The following EVX1 variants were observed in gnomAD, a reference collection of about 807,000 sequenced individuals.
EVX1 encodes the protein homeobox even-skipped homolog protein 1.
Under a neutral mutation model 28.6 loss-of-function variants are expected in EVX1, and 19 were observed. That is an observed-to-expected ratio of 0.67 (90% CI 0.46 to 0.98). The LOEUF (loss-of-function observed/expected upper bound fraction) is 0.98. Ranked by LOEUF, EVX1 falls within the 50% of genes least tolerant of loss-of-function variation. EVX1 has a pLI of 0.00. For synonymous variants in EVX1, 324 were observed against 278.2 expected, an observed-to-expected ratio of 1.16 and a Z score of -1.64; for missense variants, 660 against 583.0, an observed-to-expected ratio of 1.13 and a Z score of -1.36.
rs750354243 is a variant in EVX1, at chr7:27,243,473, C to T, written c.427+16C>T. ...CACAGCAAAGGTAGCCACCGTGCCC[C>T]TCCGCTCCCCGGGCCTCCCACTGCG... On this transcript the variant is annotated intron_variant, in intron 1 of 2. Transcript: ENST00000496902. 1.4e-5 allele frequency: 22 copies of T among 1,557,138 alleles called. No homozygotes were observed. The South Asian group carries it at 1.7e-4, about 12-fold the overall frequency.
At chr7:27,245,703 C>T (rs1302532636) in intron 2 of EVX1, among the ~76,000 whole-genome samples, 183 bp from the exon 3 acceptor site, 4 of 152,154 alleles carry the variant, frequency 2.6e-5, no homozygotes, top group African/African-American at 7.2e-5. Flanking sequence ...GGAGTCACTC[C>T]CCAAACCTCT....
Position 27,245,083 on chromosome 7 carries a change from G to C in EVX1, c.463G>C (p.Gly155Arg), listed in dbSNP as rs766272953. The C allele has an allele frequency of 6.2e-7, 1 of 1,612,676 alleles. No homozygotes were observed. Among genetic ancestry groups the C allele is most frequent in the Non-Finnish European group, 8.5e-7 (1 of 1,179,898 alleles). Residue 155 changes from glycine (G) to arginine (R), a missense_variant, in exon 2 of 3, where the codon GGA becomes CGA. Transcript: ENST00000496902. ...GSEALVGSPN[G>R]GSETPKSNGG... ...CGAGGCGCTGGTCGGCAGTCCGAAC[G>C]GAGGGAGCGAGACCCCCAAGAGCAA...
In EVX1 at chr7:27,242,908, C is replaced by A; in HGVS notation, c.-123C>A. 1 of 1,162,054 alleles carries A rather than the reference C, an allele frequency of 8.6e-7. No homozygotes were observed. Among genetic ancestry groups the A allele is most frequent in the Non-Finnish European group, 1.2e-6 (1 of 859,106 alleles). The allele number at this position is 1,162,054 out of a possible 1,614,324, so 72.0% of individuals were successfully genotyped here. On this transcript the variant is annotated 5_prime_UTR_variant, in exon 1 of 3. Coordinates refer to ENST00000496902, the MANE Select transcript of EVX1 (RefSeq NM_001989.5). ...CCGCGCTCCAGCAGCTCCGCGCCCT[C>A]CCAGGCACCCGGCCTTTCTTTCTCC... is the stretch of plus-strand genomic sequence containing the variant.
intron 1 of EVX1, chr7:27,244,375 G>T (rs905263674): frequency 5.1e-6 from 2 of 388,614 alleles, no homozygotes; most frequent in Non-Finnish European, 7.0e-6. Flanking sequence ...CTGGGGGCGG[G>T]GGGGAGAAAG....
chr7:27,246,075 G>C lies in EVX1; in HGVS notation c.874G>C (p.Ala292Pro). Reference protein sequence around the residue: ...YSPVGLGAASAASAAASPFSG... With the variant: ...YSPVGLGAASPASAAASPFSG... Reference sequence around the variant, plus strand: ...GCCGGTGGGCCTGGGCGCCGCATCCGCCGCCTCCGCCGCCGCCTCGCCCTT... The same window carrying C: ...GCCGGTGGGCCTGGGCGCCGCATCCCCCGCCTCCGCCGCCGCCTCGCCCTT... The change falls in exon 3 of 3, where the codon GCC (alanine) becomes CCC (proline). Residue 292 changes from alanine (A) to proline (P), a missense_variant. Coordinates refer to ENST00000496902, the MANE Select transcript of EVX1 (RefSeq NM_001989.5). 6.4e-7 allele frequency: 1 copy of C among 1,571,278 alleles called. No homozygotes were observed. The highest frequency in any genetic ancestry group is 8.6e-7 in the Non-Finnish European group (1 of 1,167,868).
intron 1 of EVX1, chr7:27,243,805 A>C: frequency 9.5e-6 from 2 of 209,844 alleles, no homozygotes; most frequent in Non-Finnish European, 1.9e-5. Context: ...GCAAGATCAA[A>C]CGCCGATCCG....
chr7:27,243,165 T>C lies in EVX1; in HGVS notation c.135T>C (p.Arg45=), dbSNP rs1281799421. 6.3e-6 allele frequency: 10 copies of C among 1,588,644 alleles called. No homozygotes were observed. In the Middle Eastern group the frequency reaches 8.3e-4, roughly 132 times the overall value. The stretch of plus-strand genomic sequence containing the variant: ...AGCCGCCCGAGAAAATGGTGCCCCG[T>C]GGTTGCCTGAGCCCTCGGGCCGTCC... ...LPEPPEKMVP[R]GCLSPRAVPP... The change falls in exon 1 of 3, where the codon CGT becomes CGC. Residue 45 remains arginine (R), a synonymous_variant. Coordinates refer to ENST00000496902, the MANE Select transcript of EVX1 (RefSeq NM_001989.5).
rs760357863 is a variant in EVX1, at chr7:27,243,039, C to T, written c.9C>T (p.Ser3=). The T allele has an allele frequency of 1.3e-6, 2 of 1,594,794 alleles. No homozygotes were observed. The highest frequency in any genetic ancestry group is 1.7e-6 in the Non-Finnish European group (2 of 1,170,448). ME[S]RKDMVVFLDG... ...CACCGGAGAGCCCCGGGATGGAGAG[C>T]CGAAAGGACATGGTTGTGTTTCTGG... Residue 3 remains serine (S), a synonymous_variant, in exon 1 of 3, where the codon AGC becomes AGT. Transcript: ENST00000496902.
chr7:27,244,312 G>C (rs565150142), intron 1 of EVX1, among the ~76,000 whole-genome samples: 1 of 150,622 alleles, frequency 6.6e-6, no homozygotes, highest in Admixed American at 6.6e-5. Flanking sequence ...GAGGAGAGGG[G>C]AGCCCACCAG....
At position 27,242,947 on chromosome 7, in the gene EVX1, G is replaced by C. The variant is rs1466411822; in HGVS notation, c.-84G>C. 7 of 1,374,216 alleles carry C rather than the reference G, an allele frequency of 5.1e-6. No homozygotes were observed. The highest frequency in any genetic ancestry group is 6.7e-6 in the Non-Finnish European group (7 of 1,042,514). 85.1% of individuals were successfully genotyped at this position (1,374,216 alleles called of 1,614,324 possible). ...CTTTCTTTCTCCCTCTTGCAACCAAGATCCGTCCGGCCGCTGGAGACCCAG... is the reference window on the plus strand; with the variant it reads ...CTTTCTTTCTCCCTCTTGCAACCAACATCCGTCCGGCCGCTGGAGACCCAG... On this transcript the variant is annotated 5_prime_UTR_variant, in exon 1 of 3. Coordinates refer to ENST00000496902, the MANE Select transcript of EVX1 (RefSeq NM_001989.5).
chr7:27,245,341 C>T, intron 2 of EVX1, 37 bp downstream of exon 2: 1 of 1,606,890 alleles, frequency 6.2e-7, no homozygotes, highest in South Asian at 1.1e-5. Flanking sequence ...GGGTGTGCAC[C>T]TATTTAGCGG....
In EVX1 at chr7:27,245,227, T is replaced by C. The variant is rs1783138204; in HGVS notation, c.607T>C (p.Tyr203His). 1 of 1,613,660 alleles carries C rather than the reference T, an allele frequency of 6.2e-7. No homozygotes were observed. The highest frequency in any genetic ancestry group is 8.5e-7 in the Non-Finnish European group (1 of 1,180,048). ...EQIARLEKEFYRENYVSRPRR... is the reference protein window; with the variant it reads ...EQIARLEKEFHRENYVSRPRR... ...GATTGCGCGGCTGGAGAAGGAATTCTACCGGGAGAACTACGTATCCAGGCC... is the reference window on the plus strand; with the variant it reads ...GATTGCGCGGCTGGAGAAGGAATTCCACCGGGAGAACTACGTATCCAGGCC... The change falls in exon 2 of 3, where the codon TAC (tyrosine) becomes CAC (histidine). Residue 203 changes from tyrosine (Y) to histidine (H), a missense_variant. Coordinates refer to ENST00000496902, the MANE Select transcript of EVX1 (RefSeq NM_001989.5).
At position 27,245,545 on chromosome 7, in the gene EVX1, CG is replaced by C. The variant is rs533953845; in HGVS notation, c.684+244del. Among the ~76,000 whole-genome samples the C allele has an allele frequency of 2.2e-3, 337 of 152,278 alleles. 2 individuals carry two copies. The highest frequency in any genetic ancestry group is 7.7e-3 in the African/African-American group (320 of 41,564). On this transcript the variant is annotated intron_variant, in intron 2 of 2. Transcript: ENST00000496902. The stretch of plus-strand genomic sequence containing the variant: ...GGGGGAAGGGGATAGAGTGCCTGTG[CG>C]GGTGACAAGGAAGTTTCTGGGGACA...
intron 1 of EVX1, chr7:27,244,367 G>GGT (rs1378586619): frequency 1.2e-5 from 4 of 326,188 alleles, no homozygotes; most frequent in African/African-American, 8.5e-5. Context: ...GAAAGAGCCT[G>GGT]GGGGCGGGGG....
chr7:27,246,743 G>A lies in EVX1; in HGVS notation c.*318G>A, dbSNP rs914839532. ...CTCCAAAGCTAAACAAAACTTAGCA[G>A]CAACAGCAACCAATATCCAGTCCCT... On this transcript the variant is annotated 3_prime_UTR_variant, in exon 3 of 3. Coordinates refer to ENST00000496902, the MANE Select transcript of EVX1 (RefSeq NM_001989.5). The A allele has an allele frequency of 2.5e-6, 1 of 398,654 alleles. No homozygotes were observed. Among genetic ancestry groups the A allele is most frequent in the South Asian group, 3.4e-5 (1 of 29,056 alleles). The allele number at this position is 398,654 out of a possible 1,614,324, so 24.7% of individuals were successfully genotyped here. A position where few individuals can be genotyped will look rare whatever the true frequency, so the allele number is the denominator to read the frequency against.
Position 27,246,354 on chromosome 7 carries a change from G to T in EVX1, c.1153G>T (p.Ala385Ser), listed in dbSNP as rs1237451962. 1.9e-6 allele frequency: 3 copies of T among 1,601,846 alleles called. No individual in the cohort carries two copies. The highest frequency in any genetic ancestry group is 2.5e-6 in the Non-Finnish European group (3 of 1,178,528). ...CCGCTCGGACTCCTTCCTCACCTTCGCGCCCTCGGTGCTCAGCAAGGCCTC... is the reference window on the plus strand; with the variant it reads ...CCGCTCGGACTCCTTCCTCACCTTCTCGCCCTCGGTGCTCAGCAAGGCCTC... ...TSRSDSFLTF[A>S]PSVLSKASSV... The change falls in exon 3 of 3, where the codon GCG becomes TCG. Residue 385 changes from alanine to serine, a missense_variant. Ala to Ser is a moderately conservative substitution (Grantham distance 99). Around this residue, in one of 3 missense-constraint regions of EVX1, gnomAD observed 299 missense variants for 241.3 expected, o/e 1.24. Coordinates refer to ENST00000496902, the MANE Select transcript of EVX1 (RefSeq NM_001989.5).
chr7:27,246,276 G>A lies in EVX1; in HGVS notation c.1075G>A (p.Gly359Arg), dbSNP rs940373070. Residue 359 changes from glycine (G) to arginine (R), a missense_variant, in exon 3 of 3, where the codon GGG becomes AGG. Transcript: ENST00000496902. ...CGCCTGTCACAGCGGCCCGGCCAACGGGCTGGCGCCCCGGGCTGCCGCCGC... is the reference window on the plus strand; with the variant it reads ...CGCCTGTCACAGCGGCCCGGCCAACAGGCTGGCGCCCCGGGCTGCCGCCGC... ...CLACHSGPAN[G>R]LAPRAAAASD... is the part of the protein sequence containing the mutation. 8 of 1,572,614 alleles carry A rather than the reference G, an allele frequency of 5.1e-6. No homozygotes were observed. The African/African-American group carries it at 8.2e-5, about 16-fold the overall frequency.
At position 27,246,667 on chromosome 7, in the gene EVX1, C is replaced by T. The variant is rs533521465; in HGVS notation, c.*242C>T. On this transcript the variant is annotated 3_prime_UTR_variant, in exon 3 of 3. Transcript: ENST00000496902. ...GGGAAGCAGAGCTTGAGAGACCTTC[C>T]TCCGGGGCAGCCTCCGGACCCACCG... 24 of 528,714 alleles carry T rather than the reference C, an allele frequency of 4.5e-5. No homozygotes were observed. In the African/African-American group the frequency reaches 4.7e-4, roughly 10 times the overall value. The allele number at this position is 528,714 out of a possible 1,614,324, so 32.8% of individuals were successfully genotyped here.
At chr7:27,245,800 C>CA in intron 2 of EVX1, 86 bp from the exon 3 acceptor site, 1 of 1,510,114 alleles carries the variant, frequency 6.6e-7, no homozygotes. Flanking sequence ...GCCCTGCGAA[C>CA]ACTGTCCCCG....
Sources: gnomAD v4.1 joint callset for allele counts (sites outside exome capture counted in the v4.1 genomes callset) on GRCh38, gnomAD v4.1.1 for gene constraint, gnomAD v4.1.1 regional missense constraint, MANE v1.5 for transcripts, NCBI Gene and HGNC (gene_info 2026-07-23, HGNC 2026-07-21) for gene names.